Variants in TDRD7 observed in about 807,000 individuals in gnomAD.
The protein encoded by TDRD7 is tudor domain-containing protein 7.
TDRD7 carries 47 observed loss-of-function variants against 109.8 expected under a neutral mutation model. The ratio of observed to expected loss-of-function variants is 0.43; its 90% CI spans 0.34 to 0.55. TDRD7 has a LOEUF of 0.55. TDRD7 is among the 20% of genes least tolerant of loss of function. The pLI is 0.03. For synonymous variants in TDRD7, 424 were observed against 457.3 expected (o/e 0.93, Z 0.93); for missense variants, 1,164 against 1,319.2 (o/e 0.88, Z 1.82).
At chr9:97,470,279 G>A (rs910278507) in intron 8 of TDRD7, among the ~76,000 whole-genome samples, 3 of 152,198 alleles carry the variant, frequency 2.0e-5, no homozygotes, top group Non-Finnish European at 4.4e-5. Flanking sequence ...AAAGACTGGC[G>A]ACAGCAAGGT....
At chr9:97,455,074 A>G (rs2118455436) in intron 6 of TDRD7, among the ~76,000 whole-genome samples, 1 of 152,346 alleles carries the variant, frequency 6.6e-6, no homozygotes, top group Middle Eastern at 3.4e-3. Context: ...TAGAAAATCT[A>G]GAAGAAATGA....
intron 5 of TDRD7, 83 bp downstream of exon 5, chr9:97,439,401 C>T (rs1447765565): frequency 1.3e-5 from 14 of 1,114,636 alleles, no homozygotes; most frequent in Non-Finnish European, 1.7e-5. Flanking sequence ...GACATTTGCT[C>T]TCACCTTCTC....
intron 4 of TDRD7, among the ~76,000 whole-genome samples, chr9:97,433,585 T>C (rs1257678218): frequency 6.6e-6 from 1 of 151,886 alleles, no homozygotes; most frequent in Admixed American, 6.6e-5. Flanking sequence ...AAAGACAAGC[T>C]ATGGAATGGG....
intron 4 of TDRD7, among the ~76,000 whole-genome samples, chr9:97,433,081 T>C (rs1351864761): frequency 6.6e-6 from 1 of 152,222 alleles, no homozygotes; most frequent in Non-Finnish European, 1.5e-5. Flanking sequence ...CACATTCTTC[T>C]GTCCTACTTG....
intron 1 of TDRD7, 112 bp from the exon 2 acceptor site, chr9:97,428,348 C>T (rs2064821917): frequency 1.2e-5 from 13 of 1,068,866 alleles, no homozygotes; most frequent in Non-Finnish European, 1.8e-5. Flanking sequence ...TGTAATTGCA[C>T]AGAAAGTATG....
intron 6 of TDRD7, among the ~76,000 whole-genome samples, chr9:97,444,735 A>G (rs2118387698): frequency 6.6e-6 from 1 of 152,312 alleles, no homozygotes; most frequent in East Asian, 1.9e-4. Flanking sequence ...AACCAGATAA[A>G]ATATTCTATA....
intron 1 of TDRD7, among the ~76,000 whole-genome samples, chr9:97,420,828 T>C (rs1350384219): frequency 6.6e-6 from 1 of 152,324 alleles, no homozygotes; most frequent in Admixed American, 6.5e-5. Context: ...GTGTATACTT[T>C]ACTTTGTAAG....
intron 5 of TDRD7, among the ~76,000 whole-genome samples, 191 bp from the exon 6 acceptor site, chr9:97,441,467 T>TTG (rs1828303798): frequency 6.6e-6 from 1 of 152,174 alleles, no homozygotes; most frequent in Non-Finnish European, 1.5e-5. Flanking sequence ...GAAACACTGC[T>TTG]GGTTATTTCA....
intron 1 of TDRD7, among the ~76,000 whole-genome samples, chr9:97,420,364 T>TGGGGGGGGGGGGGG (rs34308257): frequency 3.0e-5 from 2 of 66,890 alleles, no homozygotes; most frequent in African/African-American, 1.4e-4. Flanking sequence ...AACTTTTTTT[T>TGGGGGGGGGGGGGG]GGGGGGGGCG....
chr9:97,487,854 A>G (rs1829238316), intron 16 of TDRD7, among the ~76,000 whole-genome samples: 1 of 152,212 alleles, frequency 6.6e-6, no homozygotes. Context: ...CTTTATTATT[A>G]TCGCATAAAT....
chr9:97,449,643 G>A (rs1828457818), intron 6 of TDRD7, among the ~76,000 whole-genome samples: 1 of 152,178 alleles, frequency 6.6e-6, no homozygotes, highest in Non-Finnish European at 1.5e-5. Context: ...GGGTTTTATG[G>A]AGGCTTCATT....
At chr9:97,436,396 T>C (rs1828198311) in intron 4 of TDRD7, among the ~76,000 whole-genome samples, 1 of 152,154 alleles carries the variant, frequency 6.6e-6, no homozygotes, top group Middle Eastern at 3.2e-3. Context: ...ATTATAGGTC[T>C]TATGTGAATT....
At position 97,460,689 on chromosome 9, in the gene TDRD7, C is replaced by T. The variant is rs17852595; in HGVS notation, c.1367C>T (p.Pro456Leu). ...NTFMEDITVPPLMIPTEASPS... is the reference protein window; with the variant it reads ...NTFMEDITVPLLMIPTEASPS... ...TTTATGGAGGACATAACAGTTCCTC[C>T]TTTAATGATTCCAACTGAAGCATCA... is the stretch of plus-strand genomic sequence containing the variant. Residue 456 changes from proline to leucine, a missense_variant, in exon 7 of 17, where the codon CCT becomes CTT. This residue lies in a region of TDRD7 where 407 missense variants were observed against 394.0 expected (regional missense o/e 1.03). Transcript: ENST00000355295. 1 of 1,614,166 alleles carries T rather than the reference C, an allele frequency of 6.2e-7. No homozygotes were observed. The highest frequency in any genetic ancestry group is 1.1e-5 in the South Asian group (1 of 91,080).
intron 8 of TDRD7, among the ~76,000 whole-genome samples, chr9:97,468,122 C>CA (rs1323830281): frequency 6.6e-6 from 1 of 152,146 alleles, no homozygotes; most frequent in Non-Finnish European, 1.5e-5. Context: ...GCTCAGGGAG[C>CA]AGTTAGGACT....
intron 10 of TDRD7, among the ~76,000 whole-genome samples, chr9:97,473,007 A>G (rs1327037103): frequency 1.3e-5 from 2 of 152,188 alleles, no homozygotes; most frequent in African/African-American, 4.8e-5. Context: ...TGGTTTGACT[A>G]AAAATGGGTA....
chr9:97,417,391 T>C (rs1022715309), intron 1 of TDRD7, among the ~76,000 whole-genome samples: 2 of 152,136 alleles, frequency 1.3e-5, no homozygotes, highest in Admixed American at 1.3e-4. Flanking sequence ...CAGGCTGATA[T>C]GTGGAGAACA....
At chr9:97,487,995 T>G (rs551144104) in intron 16 of TDRD7, among the ~76,000 whole-genome samples, 1 of 152,194 alleles carries the variant, frequency 6.6e-6, no homozygotes, top group Non-Finnish European at 1.5e-5. Context: ...GGGAGCAATT[T>G]CACCACATTC....
At chr9:97,491,129 A>G (rs951659014) in intron 16 of TDRD7, among the ~76,000 whole-genome samples, 1 of 151,840 alleles carries the variant, frequency 6.6e-6, no homozygotes. Context: ...TGTTGGCCAG[A>G]CTGGTCTCGA....
At chr9:97,440,282 A>G (rs951886128) in intron 5 of TDRD7, among the ~76,000 whole-genome samples, 1 of 152,222 alleles carries the variant, frequency 6.6e-6, no homozygotes, top group Non-Finnish European at 1.5e-5. Context: ...ACATGTGTAC[A>G]CAACCTCTCC....
Sources: gnomAD v4.1 joint callset for allele counts (sites outside exome capture counted in the v4.1 genomes callset) on GRCh38, gnomAD v4.1.1 for gene constraint, gnomAD v4.1.1 regional missense constraint, MANE v1.5 for transcripts, NCBI Gene and HGNC (gene_info 2026-07-23, HGNC 2026-07-21) for gene names.